CATSPERE: variants seen among roughly 807,000 people sequenced by gnomAD.
CATSPERE encodes catsper channel auxiliary subunit epsilon, also known as cation channel sperm-associated auxiliary subunit epsilon.
In CATSPERE, 93 loss-of-function variants were observed where a neutral mutation model predicts 114.1. The observed-to-expected ratio is 0.81, with a 90% CI of 0.69 to 0.97. The LOEUF is 0.97. CATSPERE is among the 50% of genes least tolerant of loss of function. CATSPERE has a pLI of 0.00. For missense variants in CATSPERE, 1,058 were observed against 1,131.6 expected, an observed-to-expected ratio of 0.93 and a Z score of 0.93; for synonymous variants, 341 against 384.1, an observed-to-expected ratio of 0.89 and a Z score of 1.31.
rs576545205 is a variant in CATSPERE at position 244,522,175 on chromosome 1, A to C, written c.536+3477A>C. On this transcript the variant is annotated intron_variant, in intron 8 of 21. Coordinates refer to ENST00000366534, the MANE Select transcript of CATSPERE (RefSeq NM_001130957.2). ...GCAATCAAACTAGAACTCAGGATTA[A>C]GAATCTCACTCAAAACCGCTCAACT... 5.5e-4 allele frequency among the ~76,000 whole-genome samples: 84 copies of C among 152,326 alleles called. 1 individual carries two copies. The highest frequency in any genetic ancestry group is 1.9e-3 in the African/African-American group (77 of 41,566).
chr1:244,602,486 G>A (rs997535093), intron 17 of CATSPERE, among the ~76,000 whole-genome samples: 3 of 152,166 alleles, frequency 2.0e-5, no homozygotes, highest in Non-Finnish European at 4.4e-5. Flanking sequence ...TATAGGGAAT[G>A]GCTCAGGTAC....
chr1:244,555,880 T>G (rs1245335525), intron 9 of CATSPERE, among the ~76,000 whole-genome samples: 1 of 152,122 alleles, frequency 6.6e-6, no homozygotes, highest in Non-Finnish European at 1.5e-5. Flanking sequence ...GTGAAAGATC[T>G]CTGCAAGGAA....
chr1:244,527,572 T>A (rs1359988328), intron 8 of CATSPERE, among the ~76,000 whole-genome samples: 1 of 152,152 alleles, frequency 6.6e-6, no homozygotes, highest in Non-Finnish European at 1.5e-5. Flanking sequence ...CGAGGCAACA[T>A]ACATCCTCCT....
At chr1:244,460,495 T>C (rs1666588144), upstream of CATSPERE, among the ~76,000 whole-genome samples, 1 of 152,252 alleles carries the variant, frequency 6.6e-6, no homozygotes, top group South Asian at 2.1e-4. Flanking sequence ...CTCACTGGCT[T>C]CCGCCAACCC....
chr1:244,592,282 C>T (rs1324526722), intron 15 of CATSPERE, among the ~76,000 whole-genome samples: 1 of 152,128 alleles, frequency 6.6e-6, no homozygotes, highest in East Asian at 1.9e-4. Flanking sequence ...AAAGTCCTGA[C>T]ATCAAATATT....
intron 14 of CATSPERE, 76 bp downstream of exon 14, chr1:244,588,610 T>C (rs938755957): frequency 7.3e-6 from 8 of 1,103,440 alleles, no homozygotes; most frequent in Non-Finnish European, 1.1e-5. Context: ...TAACTGCTAG[T>C]GATAATAGCC....
At chr1:244,536,469 C>A (rs1294398629) in intron 8 of CATSPERE, among the ~76,000 whole-genome samples, 1 of 152,222 alleles carries the variant, frequency 6.6e-6, no homozygotes, top group African/African-American at 2.4e-5. Context: ...CTGACTAGGG[C>A]TGCTCAAAAT....
intron 2 of CATSPERE, among the ~76,000 whole-genome samples, chr1:244,476,127 A>G (rs569704095): frequency 1.3e-5 from 2 of 151,988 alleles, no homozygotes; most frequent in African/African-American, 4.8e-5. Flanking sequence ...CTTGCAAATG[A>G]TGTATATATT....
In CATSPERE at chr1:244,527,630, T is replaced by C. The variant is rs192263603; in HGVS notation, c.536+8932T>C. On this transcript the variant is annotated intron_variant, in intron 8 of 21. Transcript: ENST00000366534. ...TAAGAGATTAAAATAAAGACAGGGA[T>C]AGGAAATCACAAGCGTATTGATTGG... Among the ~76,000 whole-genome samples the C allele has an allele frequency of 4.7e-3, 716 of 152,322 alleles. 9 individuals carry two copies. Among genetic ancestry groups the C allele is most frequent in the African/African-American group, 0.016 (679 of 41,588 alleles).
At chr1:244,471,330 G>A (rs1042289137) in intron 2 of CATSPERE, among the ~76,000 whole-genome samples, 2 of 152,044 alleles carry the variant, frequency 1.3e-5, no homozygotes, top group Non-Finnish European at 2.9e-5. Context: ...ATCCAGATAA[G>A]GTTTATACAT....
chr1:244,472,959 C>T (rs961995085), intron 2 of CATSPERE, among the ~76,000 whole-genome samples: 22 of 152,202 alleles, frequency 1.4e-4, no homozygotes, highest in African/African-American at 3.9e-4. Context: ...CTTGATAGCT[C>T]GTTTCATTTT....
At chr1:244,621,116 A>AT (rs1349961471) in intron 20 of CATSPERE, among the ~76,000 whole-genome samples, 1 of 32,608 alleles carries the variant, frequency 3.1e-5, no homozygotes, top group Non-Finnish European at 6.3e-5. Context: ...ATATATATAT[A>AT]ATATATATAT....
intron 8 of CATSPERE, among the ~76,000 whole-genome samples, chr1:244,539,248 T>C: frequency 1.3e-5 from 2 of 150,376 alleles, no homozygotes; most frequent in Admixed American, 6.7e-5. Flanking sequence ...TTTTTGTCTT[T>C]GGTTCTGTTT....
At chr1:244,630,234 A>G (rs1239019964) in intron 20 of CATSPERE, among the ~76,000 whole-genome samples, 1 of 152,238 alleles carries the variant, frequency 6.6e-6, no homozygotes, top group Admixed American at 6.5e-5. Flanking sequence ...TCTGATAGCA[A>G]AGCTCATGTT....
intron 20 of CATSPERE, among the ~76,000 whole-genome samples, chr1:244,632,393 CAAAAAA>C (rs35948602): frequency 9.1e-6 from 1 of 109,384 alleles, no homozygotes; most frequent in African/African-American, 3.7e-5. Context: ...GACTCCAACT[CAAAAAA>C]AAAAAAAAAA....
At chr1:244,538,083 G>A (rs1680641914) in intron 8 of CATSPERE, among the ~76,000 whole-genome samples, 1 of 152,186 alleles carries the variant, frequency 6.6e-6, no homozygotes, top group African/African-American at 2.4e-5. Context: ...AACACTTTGG[G>A]AGACCAAGGT....
At chr1:244,490,653 C>T (rs1343357516) in intron 6 of CATSPERE, among the ~76,000 whole-genome samples, 182 bp downstream of exon 6, 1 of 151,964 alleles carries the variant, frequency 6.6e-6, no homozygotes, top group Non-Finnish European at 1.5e-5. Context: ...TTTCTAACCA[C>T]CTATCTGCAT....
chr1:244,560,944 T>C lies in CATSPERE; in HGVS notation c.1306T>C (p.Phe436Leu). 6.2e-7 allele frequency: 1 copy of C among 1,614,146 alleles called. No homozygotes were observed. The highest frequency in any genetic ancestry group is 8.5e-7 in the Non-Finnish European group (1 of 1,180,002). ...TACAAAACAGTGGGTTTCCCAAGAC[T>C]TTACATTAGATGCCCCTATTGACAG... ...EDTKQWVSQD[F>L]TLDAPIDSVT... The change falls in exon 10 of 22, where the codon TTT becomes CTT. Residue 436 changes from phenylalanine (F) to leucine (L), a missense_variant. Phe to Leu is a conservative substitution (Grantham distance 22). Coordinates refer to ENST00000366534, the MANE Select transcript of CATSPERE (RefSeq NM_001130957.2).
upstream of CATSPERE, among the ~76,000 whole-genome samples, chr1:244,453,570 A>G (rs1323666784): frequency 1.3e-5 from 2 of 152,142 alleles, no homozygotes; most frequent in African/African-American, 2.4e-5. Context: ...CCCTCCAGCA[A>G]TGGATCCAGA....
Sources: allele counts gnomAD v4.1 joint callset (sites outside exome capture counted in the v4.1 genomes callset), GRCh38; gene constraint gnomAD v4.1.1; transcripts MANE v1.5; gene names NCBI Gene and HGNC (gene_info 2026-07-23, HGNC 2026-07-21).